The following ACER3 variants were observed in gnomAD, a reference collection of about 807,000 sequenced individuals.
The protein encoded by ACER3 is alkaline ceramidase 3, also known as alkCDase 3.
In ACER3, 16 loss-of-function variants were observed where a neutral mutation model predicts 48.9. The ratio of observed to expected loss-of-function variants is 0.33; its 90% CI spans 0.22 to 0.50. The LOEUF is 0.50. Among genes scored for constraint, ACER3 ranks in the 20% least tolerant of loss-of-function variants. ACER3 has a pLI of 0.98. For missense variants in ACER3, 227 were observed against 326.0 expected, an observed-to-expected ratio of 0.70 and a Z score of 2.34; for synonymous variants, 109 against 107.8, an observed-to-expected ratio of 1.01 and a Z score of -0.07.
intron 1 of ACER3, among the ~76,000 whole-genome samples, chr11:76,921,701 A>G (rs182431793): frequency 3.4e-4 from 52 of 152,124 alleles, no homozygotes; most frequent in Non-Finnish European, 6.5e-4. Flanking sequence ...ATTTGTACCC[A>G]AAACCATTTG....
chr11:76,950,707 A>T (rs1190637388), intron 2 of ACER3, among the ~76,000 whole-genome samples: 1 of 151,756 alleles, frequency 6.6e-6, no homozygotes, highest in Non-Finnish European at 1.5e-5. Flanking sequence ...GGCTCAAGCA[A>T]TCCCCGTCTT....
At chr11:76,872,100 T>C (rs1428702445) in intron 1 of ACER3, among the ~76,000 whole-genome samples, 1 of 138,974 alleles carries the variant, frequency 7.2e-6, no homozygotes, top group African/African-American at 2.7e-5. Context: ...TTTTTGAGAC[T>C]GAGTCTTGCT....
intron 2 of ACER3, among the ~76,000 whole-genome samples, chr11:76,956,530 CTG>C (rs1211018498): frequency 7.2e-5 from 11 of 151,972 alleles, no homozygotes; most frequent in Non-Finnish European, 1.2e-4. Flanking sequence ...TTTAATGGCT[CTG>C]TGAGCAAAAG....
intron 2 of ACER3, among the ~76,000 whole-genome samples, chr11:76,936,751 T>C (rs1451695100): frequency 6.6e-6 from 1 of 150,438 alleles, no homozygotes; most frequent in Non-Finnish European, 1.5e-5. Context: ...AGAGTCTCGC[T>C]CTGTCGCCCA....
At chr11:76,956,590 A>G (rs965674602) in intron 2 of ACER3, among the ~76,000 whole-genome samples, 7 of 152,180 alleles carry the variant, frequency 4.6e-5, no homozygotes, top group African/African-American at 1.7e-4. Context: ...AACAGTATCA[A>G]GAGAACACTT....
intron 2 of ACER3, among the ~76,000 whole-genome samples, chr11:76,943,312 C>T (rs1947386244): frequency 6.6e-6 from 1 of 151,984 alleles, no homozygotes; most frequent in Admixed American, 6.6e-5. Flanking sequence ...ATCAACTTCC[C>T]TCTTAGCACT....
chr11:76,947,832 T>A (rs1329668178), intron 2 of ACER3, among the ~76,000 whole-genome samples: 1 of 152,182 alleles, frequency 6.6e-6, no homozygotes, highest in African/African-American at 2.4e-5. Context: ...GGAAGTATGA[T>A]TTTCAGATAA....
intron 7 of ACER3, chr11:77,011,320 T>C (rs1949258667): frequency 5.1e-6 from 5 of 985,468 alleles, no homozygotes; most frequent in Non-Finnish European, 6.0e-6. Context: ...ACATTCATTT[T>C]ACCCCACAGA....
intron 10 of ACER3, 44 bp from the exon 11 acceptor site, chr11:77,020,230 C>T: frequency 6.3e-7 from 1 of 1,591,232 alleles, no homozygotes. Flanking sequence ...TAACATGGAA[C>T]AATTCTGTCT....
intron 2 of ACER3, among the ~76,000 whole-genome samples, chr11:76,942,998 A>T (rs1161226222): frequency 6.6e-6 from 1 of 151,678 alleles, no homozygotes; most frequent in Non-Finnish European, 1.5e-5. Context: ...GATCTTTTGT[A>T]TTTTTGTGGT....
At chr11:76,946,120 C>T (rs754310327) in intron 2 of ACER3, among the ~76,000 whole-genome samples, 1 of 152,166 alleles carries the variant, frequency 6.6e-6, no homozygotes, top group Non-Finnish European at 1.5e-5. Context: ...GCTCAAGTCT[C>T]AGTCTCACAG....
intron 3 of ACER3, among the ~76,000 whole-genome samples, chr11:76,964,268 G>T (rs1165753463): frequency 6.6e-6 from 1 of 151,440 alleles, no homozygotes; most frequent in African/African-American, 2.5e-5. Flanking sequence ...GCTGGGGGAG[G>T]GGCGCCTGCC....
In ACER3 at chr11:77,025,638, T is replaced by A. The variant is rs1340395973; in HGVS notation, c.*5311T>A. On this transcript the variant is annotated 3_prime_UTR_variant, in exon 11 of 11. Transcript: ENST00000532485. ...CCAGGCTGGTCTTGAACTCCTGACC[T>A]CAAGTGATTCACCTGCCTTGGCCTC... 1.3e-5 allele frequency: 2 copies of A among 152,140 alleles called. No homozygotes were observed. The highest frequency in any genetic ancestry group is 2.4e-5 in the African/African-American group (1 of 41,394). 9.4% of individuals were successfully genotyped at this position (152,140 alleles called of 1,614,324 possible). A position where few individuals can be genotyped will look rare whatever the true frequency, so the allele number is the denominator to read the frequency against.
At position 76,952,135 on chromosome 11, in the gene ACER3, T is replaced by C. The variant is rs200468698; in HGVS notation, c.215-6844T>C. On this transcript the variant is annotated intron_variant, in intron 2 of 10. Transcript: ENST00000532485. ...ATGTTCAGAAAAAATATTATATATATATATACACACACACACACACACACA... is the reference window on the plus strand; with the variant it reads ...ATGTTCAGAAAAAATATTATATATACATATACACACACACACACACACACA... 5.4e-4 allele frequency among the ~76,000 whole-genome samples: 78 copies of C among 143,704 alleles called. No individual in the cohort carries two copies. In the East Asian group the frequency reaches 8.1e-3, roughly 15 times the overall value. 94.3% of individuals were successfully genotyped at this position (143,704 alleles called of 152,430 possible).
At chr11:76,967,639 A>G (rs1394884435) in intron 3 of ACER3, among the ~76,000 whole-genome samples, 1 of 150,376 alleles carries the variant, frequency 6.6e-6, no homozygotes, top group Admixed American at 6.6e-5. Flanking sequence ...GGTTCAACAT[A>G]GGCAAATCAA....
chr11:76,998,959 T>C (rs1948972186), intron 7 of ACER3, 138 bp downstream of exon 7: 2 of 571,312 alleles, frequency 3.5e-6, no homozygotes, highest in South Asian at 4.0e-5. Context: ...CCAACATTTA[T>C]TGTTATATTA....
At chr11:76,874,486 G>A (rs958782546) in intron 1 of ACER3, among the ~76,000 whole-genome samples, 6 of 151,582 alleles carry the variant, frequency 4.0e-5, no homozygotes, top group African/African-American at 1.2e-4. Context: ...TTGTGAACTC[G>A]GCTAGGCTAT....
intron 6 of ACER3, among the ~76,000 whole-genome samples, chr11:76,998,188 A>G: frequency 6.6e-6 from 1 of 152,214 alleles, no homozygotes; most frequent in Non-Finnish European, 1.5e-5. Context: ...CTAATACTCA[A>G]TACAGAAAAG....
chr11:76,862,563 C>T (rs1256560862), intron 1 of ACER3, among the ~76,000 whole-genome samples: 1 of 152,158 alleles, frequency 6.6e-6, no homozygotes, highest in African/African-American at 2.4e-5. Flanking sequence ...GATGTAAAAC[C>T]ATGCACTCTG....
Sources: gnomAD v4.1 joint callset for allele counts (sites outside exome capture counted in the v4.1 genomes callset) on GRCh38, gnomAD v4.1.1 for gene constraint, MANE v1.5 for transcripts, NCBI Gene and HGNC (gene_info 2026-07-23, HGNC 2026-07-21) for gene names.